Variants in ANK3 observed in about 807,000 individuals in gnomAD.
ANK3 encodes the protein ankyrin-3.
A neutral mutation model predicts 370.9 loss-of-function variants in ANK3; 57 were observed. The observed-to-expected ratio is 0.15, with a 90% CI of 0.12 to 0.19. The LOEUF (loss-of-function observed/expected upper bound fraction) is 0.19, where lower values mean the gene tolerates loss of function less well. ANK3 is among the 10% of genes least tolerant of loss of function. ANK3 has a pLI of 1.00. For synonymous variants in ANK3, 1,929 were observed against 1,946.3 expected (o/e 0.99, Z 0.23); for missense variants, 4,439 against 5,302.1 (o/e 0.84, Z 5.06).
intron 7 of ANK3, among the ~76,000 whole-genome samples, chr10:60,240,750 C>A (rs1461121011): frequency 1.3e-5 from 2 of 152,038 alleles, no homozygotes; most frequent in Non-Finnish European, 2.9e-5. Flanking sequence ...CACCACCATG[C>A]CCAAATAATT....
At position 60,026,832 on chromosome 10, in the gene ANK3, G is replaced by GA. The variant is rs979464880; in HGVS notation, c.*3013dup. On this transcript the variant is annotated 3_prime_UTR_variant, in exon 44 of 44. Coordinates refer to ENST00000280772, the MANE Select transcript of ANK3 (RefSeq NM_020987.5). ...CAATAATTTAGTAAGAATATAAAAT[G>GA]AAAAAAACAGCAAATATCCAGAACT... The GA allele has an allele frequency of 1.3e-5, 2 of 152,032 alleles. No homozygotes were observed. Among genetic ancestry groups the GA allele is most frequent in the Non-Finnish European group, 2.9e-5 (2 of 67,946 alleles). The allele number at this position is 152,032 out of a possible 1,614,324, so 9.4% of individuals were successfully genotyped here. A position where few individuals can be genotyped will look rare whatever the true frequency, so the allele number is the denominator to read the frequency against.
Position 60,467,930 on chromosome 10 carries a change from T to C in ANK3, c.96+147256A>G, listed in dbSNP as rs532518831. 3.2e-3 allele frequency among the ~76,000 whole-genome samples: 492 copies of C among 151,684 alleles called. 5 individuals are homozygous for C. The highest frequency in any genetic ancestry group is 4.0e-3 in the Non-Finnish European group (272 of 67,920). ...TTACATAAACACAATGTGAAATTACTGAGACAAAGTTAAATTTAATATTTC... is the reference window on the plus strand; with the variant it reads ...TTACATAAACACAATGTGAAATTACCGAGACAAAGTTAAATTTAATATTTC... On this transcript the variant is annotated intron_variant, in intron 2 of 43. Transcript: ENST00000373827.
intron 23 of ANK3, among the ~76,000 whole-genome samples, chr10:60,151,485 C>G (rs981805014): frequency 6.6e-6 from 1 of 152,196 alleles, no homozygotes; most frequent in Non-Finnish European, 1.5e-5. Context: ...CTTGCTTCCT[C>G]TCTTGCCACC....
chr10:60,138,689 G>A (rs73261179), intron 24 of ANK3: 6,085 of 482,390 alleles, frequency 0.013, 311 homozygotes, highest in African/African-American at 0.11. Context: ...AGTTTTGTCA[G>A]TGAGCTCTTT....
At chr10:60,110,258 G>T (rs1016584037) in intron 26 of ANK3, among the ~76,000 whole-genome samples, 1 of 152,116 alleles carries the variant, frequency 6.6e-6, no homozygotes, top group Non-Finnish European at 1.5e-5. Context: ...GACCTTGAAA[G>T]AGTGACCTTT....
rs2062942042 is a variant in ANK3, at chr10:60,389,802, A to T, written c.-264T>A. On this transcript the variant is annotated 5_prime_UTR_variant, in exon 1 of 44. Transcript: ENST00000280772. ...GCAGCCATCGTAATGCATTTACCGT[A>T]GTGAAGAAGACAGCTGGGACAGAGG... The T allele has an allele frequency of 7.9e-7, 1 of 1,257,972 alleles. No homozygotes were observed. Among genetic ancestry groups the T allele is most frequent in the Non-Finnish European group, 1.0e-6 (1 of 998,098 alleles). 77.9% of individuals were successfully genotyped at this position (1,257,972 alleles called of 1,614,324 possible). A position where few individuals can be genotyped will look rare whatever the true frequency, so the allele number is the denominator to read the frequency against.
intron 1 of ANK3, among the ~76,000 whole-genome samples, chr10:60,623,439 T>C (rs1376279602): frequency 1.3e-5 from 2 of 152,110 alleles, no homozygotes; most frequent in African/African-American, 4.8e-5. Flanking sequence ...ACACAGCAGA[T>C]AGATAGCAAG....
chr10:60,435,372 C>A (rs986488393), intron 2 of ANK3, among the ~76,000 whole-genome samples: 2 of 152,104 alleles, frequency 1.3e-5, no homozygotes, highest in Non-Finnish European at 2.9e-5. Context: ...GTTCTGTCTC[C>A]ATATTATTTT....
At chr10:60,520,330 C>T (rs1190700543) in intron 2 of ANK3, among the ~76,000 whole-genome samples, 3 of 152,088 alleles carry the variant, frequency 2.0e-5, no homozygotes, top group African/African-American at 4.8e-5. Context: ...ACTATGCTCA[C>T]TACCTGGGTG....
intron 1 of ANK3, among the ~76,000 whole-genome samples, chr10:60,646,695 C>G (rs1564480258): frequency 6.6e-6 from 1 of 151,962 alleles, no homozygotes; most frequent in East Asian, 1.9e-4. Flanking sequence ...CTGAGGAACC[C>G]CAACATTTAG....
chr10:60,147,325 G>T (rs2094879052), intron 23 of ANK3, among the ~76,000 whole-genome samples: 1 of 152,190 alleles, frequency 6.6e-6, no homozygotes, highest in African/African-American at 2.4e-5. Flanking sequence ...AATAGAGTGA[G>T]CATTCACTTC....
At chr10:60,549,040 C>T (rs567064470) in intron 2 of ANK3, among the ~76,000 whole-genome samples, 1 of 151,942 alleles carries the variant, frequency 6.6e-6, no homozygotes, top group Non-Finnish European at 1.5e-5. Flanking sequence ...AAGTAAGAAA[C>T]CAAGCCTTTA....
chr10:60,225,335 G>T (rs2097123697), intron 8 of ANK3, among the ~76,000 whole-genome samples: 1 of 152,076 alleles, frequency 6.6e-6, no homozygotes, highest in South Asian at 2.1e-4. Context: ...TGTCCTCTAT[G>T]ATATAGGCAC....
chr10:60,133,138 T>G (rs1048485289), intron 25 of ANK3, among the ~76,000 whole-genome samples: 1 of 152,210 alleles, frequency 6.6e-6, no homozygotes, highest in African/African-American at 2.4e-5. Context: ...ACTTCTAACT[T>G]GGCTATGATA....
intron 1 of ANK3, among the ~76,000 whole-genome samples, chr10:60,322,548 A>G (rs1426826488): frequency 6.6e-6 from 1 of 151,646 alleles, no homozygotes; most frequent in Non-Finnish European, 1.5e-5. Flanking sequence ...CTCCCCAAGC[A>G]TTCTCTGTAG....
chr10:60,156,842 G>A (rs925492230), intron 23 of ANK3, among the ~76,000 whole-genome samples: 1 of 152,120 alleles, frequency 6.6e-6, no homozygotes, highest in African/African-American at 2.4e-5. Context: ...AGCCTATACT[G>A]TGAAGACTGG....
intron 24 of ANK3, 142 bp from the exon 25 acceptor site, chr10:60,134,515 G>C (rs545990093): frequency 1.7e-6 from 1 of 574,708 alleles, no homozygotes; most frequent in Non-Finnish European, 3.0e-6. Context: ...ATAGTGAAAA[G>C]TAAAATCCCT....
intron 2 of ANK3, among the ~76,000 whole-genome samples, chr10:60,485,224 T>C (rs774878133): frequency 6.6e-6 from 1 of 152,160 alleles, no homozygotes; most frequent in African/African-American, 2.4e-5. Flanking sequence ...TCTAACATCC[T>C]AGAGGCTGAA....
At chr10:60,056,256 G>A (rs1355041296) in intron 41 of ANK3, among the ~76,000 whole-genome samples, 6 of 152,166 alleles carry the variant, frequency 3.9e-5, no homozygotes, top group African/African-American at 1.4e-4. Flanking sequence ...ATCACCTGAG[G>A]TCAGGAGTTC....
Sources: gnomAD v4.1 joint callset for allele counts (sites outside exome capture counted in the v4.1 genomes callset) on GRCh38, gnomAD v4.1.1 for gene constraint, MANE v1.5 for transcripts, NCBI Gene and HGNC (gene_info 2026-07-23, HGNC 2026-07-21) for gene names.